FGF10: variants seen among roughly 807,000 people sequenced by gnomAD.
The protein encoded by FGF10 is fibroblast growth factor 10.
FGF10 carries 2 observed loss-of-function variants against 19.8 expected under a neutral mutation model. The observed-to-expected ratio is 0.10, with a 90% CI of 0.04 to 0.32. The LOEUF (loss-of-function observed/expected upper bound fraction) is 0.32. Ranked by LOEUF, FGF10 falls within the 10% of genes least tolerant of loss-of-function variation. The pLI is 1.00. For missense variants in FGF10, 191 were observed against 246.3 expected (o/e 0.78, Z 1.50); for synonymous variants, 112 against 94.0 (o/e 1.19, Z -1.10).
At chr5:44,344,568 CTGTGTGTGTGTGTG>C (rs1166640935) in intron 1 of FGF10, among the ~76,000 whole-genome samples, 3 of 126,790 alleles carry the variant, frequency 2.4e-5, no homozygotes, top group Admixed American at 1.6e-4. Context: ...TTTGTTTTCT[CTGTGTGTGTGTGTG>C]TGTGTGTGTG....
chr5:44,385,086 A>G (rs1328320626), intron 1 of FGF10, among the ~76,000 whole-genome samples: 1 of 152,124 alleles, frequency 6.6e-6, no homozygotes, highest in Non-Finnish European at 1.5e-5. Context: ...TCTAGATGTA[A>G]AGAATGATAA....
intron 1 of FGF10, among the ~76,000 whole-genome samples, chr5:44,381,596 T>G (rs16901816): frequency 0.21 from 31,932 of 151,974 alleles, 3,415 homozygotes; most frequent in Admixed American, 0.26. Flanking sequence ...AACAAAGCTA[T>G]TAGAAAGAAG....
intron 1 of FGF10, among the ~76,000 whole-genome samples, chr5:44,349,473 A>AATATATATAT (rs1232625126): frequency 1.3e-4 from 3 of 23,216 alleles, no homozygotes; most frequent in African/African-American, 5.2e-4. Flanking sequence ...TATATATCAG[A>AATATATATAT]ATATATATAT....
At position 44,388,567 on chromosome 5, in the gene FGF10, G is replaced by A. The variant is rs201790067; in HGVS notation, c.116C>T (p.Ala39Val). The A allele has an allele frequency of 2.3e-5, 37 of 1,614,186 alleles. No individual in the cohort carries two copies. The highest frequency in any genetic ancestry group is 3.1e-5 in the Non-Finnish European group (37 of 1,180,042). ...TGGTGACACCATGTCCTGACCAAGG[G>A]CTTGGCAGGTGACAGGGACGGAAGA... ...LVSSVPVTCQ[A>V]LGQDMVSPEA... The change falls in exon 1 of 3, where the codon GCC becomes GTC. Residue 39 changes from alanine to valine, a missense_variant. Physicochemically the swap from Ala to Val is moderately conservative, Grantham distance 64 (BLOSUM62 0). Around this residue, in one of 2 missense-constraint regions of FGF10, gnomAD observed 92 missense variants for 84.6 expected, o/e 1.09. Transcript: ENST00000264664.
intron 1 of FGF10, among the ~76,000 whole-genome samples, chr5:44,378,154 AG>A (rs1373797296): frequency 2.6e-5 from 4 of 152,140 alleles, no homozygotes; most frequent in African/African-American, 9.7e-5. Flanking sequence ...CAGCAGCTGA[AG>A]GGGGATGGGA....
chr5:44,353,182 A>G (rs781026587), intron 1 of FGF10, among the ~76,000 whole-genome samples: 2 of 151,582 alleles, frequency 1.3e-5, no homozygotes, highest in Non-Finnish European at 3.0e-5. Context: ...TTAATATTAG[A>G]TTCCCAATGC....
chr5:44,319,699 A>T (rs934017758), intron 1 of FGF10, among the ~76,000 whole-genome samples: 1 of 152,206 alleles, frequency 6.6e-6, no homozygotes, highest in African/African-American at 2.4e-5. Context: ...TAATCATAAT[A>T]CTTATAAGAA....
At chr5:44,372,253 C>T (rs1306334576) in intron 1 of FGF10, among the ~76,000 whole-genome samples, 2 of 152,234 alleles carry the variant, frequency 1.3e-5, no homozygotes, top group East Asian at 1.9e-4. Flanking sequence ...TGGCTCATGG[C>T]CTTACCACTA....
At chr5:44,311,953 C>T (rs1740220213) in intron 1 of FGF10, among the ~76,000 whole-genome samples, 1 of 152,008 alleles carries the variant, frequency 6.6e-6, no homozygotes, top group South Asian at 2.1e-4. Flanking sequence ...AATAGAAATG[C>T]TTGAGTTTCC....
chr5:44,344,101 A>C lies in FGF10; in HGVS notation c.326-33571T>G, dbSNP rs558404456. On this transcript the variant is annotated intron_variant, in intron 1 of 2. Coordinates refer to ENST00000264664, the MANE Select transcript of FGF10 (RefSeq NM_004465.2). ...TGAATCCAGACATAGGGGCCAACAG[A>C]ACAAGCCAGGTTGGATGGCCAGAGA... 5.9e-5 allele frequency among the ~76,000 whole-genome samples: 9 copies of C among 152,046 alleles called. No individual in the cohort carries two copies. In the South Asian group the frequency reaches 1.7e-3, roughly 28 times the overall value.
chr5:44,341,807 C>G (rs950055917), intron 1 of FGF10, among the ~76,000 whole-genome samples: 3 of 151,942 alleles, frequency 2.0e-5, no homozygotes, highest in Admixed American at 6.6e-5. Flanking sequence ...CAGAGCTGAA[C>G]CAGGTCTGCC....
chr5:44,352,743 G>A (rs1484230171), intron 1 of FGF10, among the ~76,000 whole-genome samples: 4 of 151,452 alleles, frequency 2.6e-5, no homozygotes, highest in East Asian at 3.9e-4. Flanking sequence ...CTCTCATTAC[G>A]GTATTTGAAA....
intron 1 of FGF10, among the ~76,000 whole-genome samples, chr5:44,324,804 T>C (rs1740573479): frequency 6.6e-6 from 1 of 152,200 alleles, no homozygotes; most frequent in African/African-American, 2.4e-5. Flanking sequence ...GGTAAAGTGG[T>C]TGACTTTTTC....
intron 1 of FGF10, among the ~76,000 whole-genome samples, chr5:44,366,647 T>C (rs779587302): frequency 1.3e-5 from 2 of 152,028 alleles, no homozygotes; most frequent in Non-Finnish European, 2.9e-5. Flanking sequence ...TTTGTGAATA[T>C]CAATTTGCCT....
At chr5:44,381,367 G>A (rs191461205) in intron 1 of FGF10, among the ~76,000 whole-genome samples, 215 of 152,240 alleles carry the variant, frequency 1.4e-3, no homozygotes, top group Non-Finnish European at 2.5e-3. Flanking sequence ...AAAATGTCTA[G>A]GCCTCTGGCC....
At position 44,304,494 on chromosome 5, in the gene FGF10, C is replaced by T. The variant is rs143092045; in HGVS notation, c.*501G>A. 1.5e-4 allele frequency: 24 copies of T among 161,626 alleles called. No individual in the cohort carries two copies. The highest frequency in any genetic ancestry group is 5.0e-4 in the African/African-American group (21 of 41,626). The allele number at this position is 161,626 out of a possible 1,614,324, so 10.0% of individuals were successfully genotyped here. On this transcript the variant is annotated 3_prime_UTR_variant, in exon 3 of 3. Coordinates refer to ENST00000264664, the MANE Select transcript of FGF10 (RefSeq NM_004465.2). ...TCTATTCAATTATTCCATGAGACCA[C>T]ATCCAGAACTCCTTTGGTTGTGCAT...
At chr5:44,321,735 C>G (rs1740494625) in intron 1 of FGF10, among the ~76,000 whole-genome samples, 1 of 152,110 alleles carries the variant, frequency 6.6e-6, no homozygotes, top group Non-Finnish European at 1.5e-5. Context: ...TTGCACAGTT[C>G]TGTGAGGAGA....
intron 2 of FGF10, among the ~76,000 whole-genome samples, chr5:44,306,065 T>C (rs1740069186): frequency 6.6e-6 from 1 of 152,078 alleles, no homozygotes; most frequent in Non-Finnish European, 1.5e-5. Context: ...ACTCTGGAGT[T>C]AATAACAAAG....
chr5:44,316,185 T>C (rs1740345209), intron 1 of FGF10, among the ~76,000 whole-genome samples: 1 of 152,130 alleles, frequency 6.6e-6, no homozygotes, highest in African/African-American at 2.4e-5. Context: ...AACTAATACC[T>C]GATAATCTGG....
Sources: allele counts gnomAD v4.1 joint callset (sites outside exome capture counted in the v4.1 genomes callset), GRCh38; gene constraint gnomAD v4.1.1; regional missense constraint gnomAD v4.1.1; transcripts MANE v1.5; gene names NCBI Gene and HGNC (gene_info 2026-07-23, HGNC 2026-07-21).